SIPA1L2: variants seen among roughly 807,000 people sequenced by gnomAD.
SIPA1L2 encodes the protein signal-induced proliferation-associated 1-like protein 2.
SIPA1L2 carries 56 observed loss-of-function variants against 163.9 expected under a neutral mutation model. The observed-to-expected ratio is 0.34, with a 90% CI of 0.28 to 0.43. The LOEUF (loss-of-function observed/expected upper bound fraction) is 0.43, where lower values mean the gene tolerates loss of function less well. SIPA1L2 is among the 20% of genes least tolerant of loss of function. SIPA1L2 has a pLI of 1.00. For missense variants in SIPA1L2, 1,974 were observed against 2,193.5 expected, an observed-to-expected ratio of 0.90 and a Z score of 2.00; for synonymous variants, 877 against 865.7, an observed-to-expected ratio of 1.01 and a Z score of -0.23.
At chr1:232,551,409 T>G (rs1169407292) in intron 2 of SIPA1L2, among the ~76,000 whole-genome samples, 1 of 152,202 alleles carries the variant, frequency 6.6e-6, no homozygotes, top group African/African-American at 2.4e-5. Flanking sequence ...GCCAGCAGAT[T>G]TACTGCTCCA....
chr1:232,428,287 T>C, intron 17 of SIPA1L2, 124 bp downstream of exon 17: 1 of 772,474 alleles, frequency 1.3e-6, no homozygotes, highest in Admixed American at 4.1e-5. Flanking sequence ...CAGTGAGTTG[T>C]TGGTAGGGTC....
chr1:232,456,296 A>G (rs1572925459), intron 10 of SIPA1L2, among the ~76,000 whole-genome samples: 1 of 152,128 alleles, frequency 6.6e-6, no homozygotes, highest in South Asian at 2.1e-4. Flanking sequence ...TTCTATTTCC[A>G]TACTCTCCTC....
chr1:232,449,094 T>C (rs1663391017), intron 10 of SIPA1L2, among the ~76,000 whole-genome samples: 1 of 151,922 alleles, frequency 6.6e-6, no homozygotes, highest in African/African-American at 2.4e-5. Flanking sequence ...CACTCTGCAG[T>C]GAAGCTCATG....
At chr1:232,573,153 G>A (rs1659894282) in intron 2 of SIPA1L2, among the ~76,000 whole-genome samples, 1 of 152,056 alleles carries the variant, frequency 6.6e-6, no homozygotes, top group Non-Finnish European at 1.5e-5. Context: ...AAAAGACAAA[G>A]GCTATGGAAA....
At chr1:232,531,972 A>G (rs1656990900) in intron 2 of SIPA1L2, among the ~76,000 whole-genome samples, 1 of 152,216 alleles carries the variant, frequency 6.6e-6, no homozygotes, top group Admixed American at 6.5e-5. Context: ...TAGCGGGCTC[A>G]GATCCGGGAG....
intron 2 of SIPA1L2, among the ~76,000 whole-genome samples, chr1:232,540,055 G>A (rs1657550938): frequency 6.6e-6 from 1 of 152,152 alleles, no homozygotes; most frequent in African/African-American, 2.4e-5. Context: ...TGTAATCCCA[G>A]CATTTTGGGA....
At chr1:232,401,148 C>T (rs1660315369) in intron 22 of SIPA1L2, among the ~76,000 whole-genome samples, 1 of 152,076 alleles carries the variant, frequency 6.6e-6, no homozygotes, top group Non-Finnish European at 1.5e-5. Context: ...CCCGTCTAAA[C>T]TTTAATATTG....
chr1:232,612,284 A>T (rs527788496), intron 1 of SIPA1L2, among the ~76,000 whole-genome samples: 1 of 152,354 alleles, frequency 6.6e-6, no homozygotes, highest in East Asian at 1.9e-4. Context: ...GAGTCCCCAC[A>T]CAGAGTCCCT....
Position 232,425,607 on chromosome 1 carries a change from T to C in SIPA1L2, c.4612A>G (p.Ser1538Gly). Residue 1538 changes from serine to glycine, a missense_variant, in exon 18 of 23, where the codon AGC becomes GGC. Ser to Gly is a moderately conservative substitution (Grantham distance 56). Transcript: ENST00000674635. ...CACTTACTTCTCAGGCTCCCCATGC[T>C]GGGTGCGGGGTGGGCCCGCGGAGGC... ...TLPPRAHPAP[S>G]MGSLRNEFWF... 6.3e-7 allele frequency: 1 copy of C among 1,595,480 alleles called. No individual in the cohort carries two copies. The highest frequency in any genetic ancestry group is 8.6e-7 in the Non-Finnish European group (1 of 1,168,992).
At chr1:232,541,886 A>G (rs2253469) in intron 2 of SIPA1L2, among the ~76,000 whole-genome samples, 73,053 of 148,910 alleles carry the variant, frequency 0.49, 18,554 homozygotes, top group Middle Eastern at 0.67. Context: ...TAATTCATGA[A>G]GGGGAACTGG....
At chr1:232,621,982 C>T (rs1662834558) in intron 1 of SIPA1L2, among the ~76,000 whole-genome samples, 1 of 152,162 alleles carries the variant, frequency 6.6e-6, no homozygotes, top group Admixed American at 6.5e-5. Flanking sequence ...CTTGCCTCAG[C>T]CTCCCAAAGC....
At chr1:232,620,499 T>C (rs1286396809) in intron 1 of SIPA1L2, among the ~76,000 whole-genome samples, 2 of 152,228 alleles carry the variant, frequency 1.3e-5, no homozygotes, top group Non-Finnish European at 2.9e-5. Flanking sequence ...TCCATGCACA[T>C]ATCCTGTGCC....
chr1:232,558,597 C>G (rs1444329361), intron 2 of SIPA1L2, among the ~76,000 whole-genome samples: 1 of 152,176 alleles, frequency 6.6e-6, no homozygotes, highest in African/African-American at 2.4e-5. Context: ...TTAAAGCAAC[C>G]AAGTCTGAGA....
intron 7 of SIPA1L2, among the ~76,000 whole-genome samples, chr1:232,475,432 A>G (rs925034385): frequency 6.6e-6 from 1 of 152,206 alleles, no homozygotes; most frequent in African/African-American, 2.4e-5. Context: ...CATATAAACT[A>G]TACTCAAGAG....
At chr1:232,474,993 G>A (rs1664969789) in intron 7 of SIPA1L2, among the ~76,000 whole-genome samples, 1 of 152,170 alleles carries the variant, frequency 6.6e-6, no homozygotes, top group South Asian at 2.1e-4. Context: ...CAACATGAAA[G>A]AGAACAGCCG....
At chr1:232,479,495 C>T (rs1665214358) in intron 7 of SIPA1L2, 132 bp downstream of exon 7, 1 of 710,856 alleles carries the variant, frequency 1.4e-6, no homozygotes, top group Non-Finnish European at 2.4e-6. Context: ...ATCAAAGAGT[C>T]AAAGATGATT....
intron 2 of SIPA1L2, among the ~76,000 whole-genome samples, chr1:232,573,678 C>T (rs531348108): frequency 3.3e-5 from 5 of 152,180 alleles, no homozygotes; most frequent in South Asian, 4.2e-4. Flanking sequence ...TTTAGATGAC[C>T]GTGCCCCCAG....
At chr1:232,437,310 C>T (rs1038328713) in intron 15 of SIPA1L2, among the ~76,000 whole-genome samples, 21 of 152,200 alleles carry the variant, frequency 1.4e-4, no homozygotes, top group African/African-American at 4.1e-4. Flanking sequence ...TGTGCAATCC[C>T]GAGATGGTCT....
At chr1:232,590,928 G>C (rs973188183) in intron 1 of SIPA1L2, among the ~76,000 whole-genome samples, 1 of 152,228 alleles carries the variant, frequency 6.6e-6, no homozygotes, top group African/African-American at 2.4e-5. Flanking sequence ...TGCTTTGTAA[G>C]AGTTTCCTCA....
Sources: gnomAD v4.1 joint callset for allele counts (sites outside exome capture counted in the v4.1 genomes callset) on GRCh38, gnomAD v4.1.1 for gene constraint, MANE v1.5 for transcripts, NCBI Gene and HGNC (gene_info 2026-07-23, HGNC 2026-07-21) for gene names.